GMDS: variants seen among roughly 807,000 people sequenced by gnomAD.
GMDS encodes the protein GDP-mannose 4,6-dehydratase, also known as GDP-mannose 4,6 dehydratase.
GMDS carries 20 observed loss-of-function variants against 49.9 expected under a neutral mutation model. The ratio of observed to expected loss-of-function variants is 0.40; its 90% CI spans 0.28 to 0.58. The LOEUF is 0.58. Ranked by LOEUF, GMDS falls within the 20% of genes least tolerant of loss-of-function variation. The probability of loss-of-function intolerance (pLI) is 0.42; values close to 1 mark genes in which losing one functional copy is unlikely to be tolerated. For missense variants in GMDS, 362 were observed against 481.4 expected (o/e 0.75, Z 2.32); for synonymous variants, 177 against 178.6 (o/e 0.99, Z 0.07).
At chr6:2,221,934 G>GCGGATCAC (rs1239348291) in intron 1 of GMDS, among the ~76,000 whole-genome samples, 1 of 152,024 alleles carries the variant, frequency 6.6e-6, no homozygotes, top group Non-Finnish European at 1.5e-5. Flanking sequence ...CCAGGTCAGT[G>GCGGATCAC]GGAAGAAAAA....
intron 7 of GMDS, among the ~76,000 whole-genome samples, chr6:1,780,774 CA>C (rs1343377363): frequency 6.6e-6 from 1 of 152,242 alleles, no homozygotes; most frequent in Non-Finnish European, 1.5e-5. Context: ...GGTGAGATGT[CA>C]GACTCAGAAG....
chr6:2,062,892 A>T (rs1049892114), intron 4 of GMDS, among the ~76,000 whole-genome samples: 8 of 152,266 alleles, frequency 5.3e-5, no homozygotes, highest in Non-Finnish European at 7.3e-5. Flanking sequence ...CTATAAAATG[A>T]AGCTAGTAAC....
intron 9 of GMDS, among the ~76,000 whole-genome samples, chr6:1,661,220 T>A (rs11242712): frequency 0.42 from 64,066 of 151,992 alleles, 14,071 homozygotes; most frequent in Middle Eastern, 0.5. Flanking sequence ...TCCATTTGGG[T>A]TAAATCCTCA....
chr6:2,218,040 T>C (rs1457914967), intron 1 of GMDS, among the ~76,000 whole-genome samples: 2 of 152,010 alleles, frequency 1.3e-5, no homozygotes, highest in African/African-American at 4.8e-5. Flanking sequence ...GTTTGTCAAG[T>C]GAGTATTCAC....
intron 9 of GMDS, among the ~76,000 whole-genome samples, chr6:1,670,998 T>C (rs551991117): frequency 3.3e-5 from 5 of 152,304 alleles, no homozygotes; most frequent in Admixed American, 6.5e-5. Context: ...CTTTTTGAAA[T>C]TCTAGACAAT....
chr6:1,905,915 C>T (rs1242979954), intron 7 of GMDS, among the ~76,000 whole-genome samples: 1 of 151,448 alleles, frequency 6.6e-6, no homozygotes, highest in Non-Finnish European at 1.5e-5. Flanking sequence ...AACACGTATG[C>T]AGGTGTCCCT....
At chr6:1,885,429 G>C (rs1394109951) in intron 7 of GMDS, among the ~76,000 whole-genome samples, 1 of 152,124 alleles carries the variant, frequency 6.6e-6, no homozygotes, top group Non-Finnish European at 1.5e-5. Context: ...TGTTTAATCT[G>C]AACTTTATTT....
Position 2,131,027 on chromosome 6 carries a change from C to G in GMDS, c.103-6296G>C, listed in dbSNP as rs530630605. Among the ~76,000 whole-genome samples the G allele has an allele frequency of 3.3e-5, 5 of 151,950 alleles. No individual in the cohort carries two copies. In the East Asian group the frequency reaches 9.7e-4, roughly 29 times the overall value. On this transcript the variant is annotated intron_variant, in intron 1 of 10. Coordinates refer to ENST00000380815, the MANE Select transcript of GMDS (RefSeq NM_001500.4). ...TTCTTGGAAGTATCAAGAACATGTA[C>G]AAAATTGACTAATTTTCACCTCCAA...
rs180915137 is a variant in GMDS at position 2,112,317 on chromosome 6, T to C, written c.345+3454A>G. Among the ~76,000 whole-genome samples, 9 of 152,310 alleles carry C rather than the reference T, an allele frequency of 5.9e-5. No homozygotes were observed. In the East Asian group the frequency reaches 1.5e-3, roughly 26 times the overall value. The stretch of plus-strand genomic sequence containing the variant: ...CATTAAGTCATTAACTAGTAAGTAA[T>C]AGGATTATTTTACATCAAACTCAAA... On this transcript the variant is annotated intron_variant, in intron 4 of 10. Coordinates refer to ENST00000380815, the MANE Select transcript of GMDS (RefSeq NM_001500.4).
intron 8 of GMDS, among the ~76,000 whole-genome samples, chr6:1,737,445 C>T (rs1168282731): frequency 4.0e-5 from 6 of 151,864 alleles, no homozygotes; most frequent in Non-Finnish European, 7.4e-5. Flanking sequence ...AAAGGAAAAA[C>T]AAAACACAGC....
chr6:2,080,443 T>A (rs529660216), intron 4 of GMDS, among the ~76,000 whole-genome samples: 4 of 152,324 alleles, frequency 2.6e-5, no homozygotes, highest in African/African-American at 9.6e-5. Context: ...GTCACTGCCT[T>A]CAATTTTTTG....
chr6:1,702,612 T>A (rs994039266), intron 9 of GMDS, among the ~76,000 whole-genome samples: 1 of 152,182 alleles, frequency 6.6e-6, no homozygotes, highest in African/African-American at 2.4e-5. Flanking sequence ...CCTCTGTGGG[T>A]CCCCCAGCTG....
At chr6:1,723,788 T>C (rs919145537) in intron 9 of GMDS, among the ~76,000 whole-genome samples, 1 of 152,128 alleles carries the variant, frequency 6.6e-6, no homozygotes, top group African/African-American at 2.4e-5. Flanking sequence ...GAAGGAAAGA[T>C]TCAGTTTAGA....
intron 7 of GMDS, among the ~76,000 whole-genome samples, chr6:1,853,570 G>GTA (rs10657849): frequency 0.037 from 5,468 of 147,596 alleles, 346 homozygotes; most frequent in African/African-American, 0.13. Context: ...TCATATGAGT[G>GTA]TGTGTGTGTG....
At chr6:1,861,177 A>C (rs918906262) in intron 7 of GMDS, among the ~76,000 whole-genome samples, 4 of 152,188 alleles carry the variant, frequency 2.6e-5, no homozygotes, top group Non-Finnish European at 5.9e-5. Context: ...CGTGCACACA[A>C]GGGGAAAGCA....
chr6:2,086,832 A>G (rs1472493792), intron 4 of GMDS, among the ~76,000 whole-genome samples: 1 of 152,204 alleles, frequency 6.6e-6, no homozygotes, highest in Admixed American at 6.5e-5. Context: ...CGACTATAAT[A>G]GTTTTCCTTT....
chr6:1,775,693 C>T (rs1407943918), intron 7 of GMDS, among the ~76,000 whole-genome samples: 2 of 152,198 alleles, frequency 1.3e-5, no homozygotes, highest in Admixed American at 1.3e-4. Flanking sequence ...AGATAGTTTC[C>T]ATGTTGCTGT....
chr6:1,718,339 T>A (rs1369788091), intron 9 of GMDS, among the ~76,000 whole-genome samples: 3 of 152,160 alleles, frequency 2.0e-5, no homozygotes, highest in African/African-American at 7.2e-5. Context: ...CACCTCCCCC[T>A]GCAAAGTAAG....
At chr6:1,656,588 C>A (rs574165599) in intron 9 of GMDS, among the ~76,000 whole-genome samples, 23 of 152,046 alleles carry the variant, frequency 1.5e-4, no homozygotes, top group African/African-American at 5.3e-4. Context: ...ATGGTGAAAC[C>A]CCGTCTCTAC....
Sources: allele counts gnomAD v4.1 joint callset (sites outside exome capture counted in the v4.1 genomes callset), GRCh38; gene constraint gnomAD v4.1.1; transcripts MANE v1.5; gene names NCBI Gene and HGNC (gene_info 2026-07-23, HGNC 2026-07-21).